Variants in COBLL1 observed in about 807,000 individuals in gnomAD.
The protein encoded by COBLL1 is cordon-bleu WH2 repeat protein like 1, also known as cordon-bleu protein-like 1.
Under a neutral mutation model 94.8 loss-of-function variants are expected in COBLL1, and 50 were observed. That is an observed-to-expected ratio of 0.53 (90% confidence interval 0.42 to 0.67). The LOEUF (loss-of-function observed/expected upper bound fraction) is 0.67, where lower values mean the gene tolerates loss of function less well. Among genes scored for constraint, COBLL1 ranks in the 30% least tolerant of loss-of-function variants. The probability of loss-of-function intolerance (pLI) is 0.00; values close to 1 mark genes in which losing one functional copy is unlikely to be tolerated. For synonymous variants in COBLL1, 448 were observed against 473.8 expected, an observed-to-expected ratio of 0.95 and a Z score of 0.71; for missense variants, 1,362 against 1,348.7, an observed-to-expected ratio of 1.01 and a Z score of -0.15.
intron 2 of COBLL1, among the ~76,000 whole-genome samples, chr2:164,776,979 T>C (rs1053744317): frequency 7.9e-5 from 12 of 152,154 alleles, no homozygotes; most frequent in African/African-American, 2.9e-4. Flanking sequence ...AGTTCCCATA[T>C]ACACTTTACC....
chr2:164,715,596 A>T (rs1454385720), intron 7 of COBLL1, among the ~76,000 whole-genome samples: 4 of 152,136 alleles, frequency 2.6e-5, no homozygotes, highest in Non-Finnish European at 5.9e-5. Context: ...ACAATACATC[A>T]TCTTATCTGC....
chr2:164,703,271 G>C (rs1326660792), intron 9 of COBLL1: 2 of 1,170,560 alleles, frequency 1.7e-6, no homozygotes, highest in African/African-American at 3.1e-5. Context: ...ACAGAGTTAA[G>C]GCAAGCAGAG....
chr2:164,662,788 C>T (rs967089253), intron 2 of COBLL1, among the ~76,000 whole-genome samples: 4 of 152,160 alleles, frequency 2.6e-5, no homozygotes, highest in African/African-American at 7.2e-5. Flanking sequence ...CTCTCTTGCT[C>T]CTGTTCTGGC....
intron 2 of COBLL1, among the ~76,000 whole-genome samples, chr2:164,754,081 G>C (rs1003968750): frequency 6.6e-6 from 1 of 151,970 alleles, no homozygotes; most frequent in Non-Finnish European, 1.5e-5. Context: ...AATACAGATC[G>C]GGTATTTCCA....
At chr2:164,810,321 T>A (rs1684401761) in intron 2 of COBLL1, among the ~76,000 whole-genome samples, 1 of 151,552 alleles carries the variant, frequency 6.6e-6, no homozygotes, top group African/African-American at 2.4e-5. Flanking sequence ...ATATACAGAT[T>A]TTATATTTAT....
intron 7 of COBLL1, among the ~76,000 whole-genome samples, chr2:164,715,183 G>A (rs1341657990): frequency 2.0e-5 from 3 of 152,128 alleles, no homozygotes; most frequent in South Asian, 4.1e-4. Flanking sequence ...CAGTGGCAAA[G>A]TATGTATTAT....
intron 1 of COBLL1, among the ~76,000 whole-genome samples, chr2:164,671,303 GT>G (rs1412010337): frequency 6.6e-6 from 1 of 151,704 alleles, no homozygotes; most frequent in Non-Finnish European, 1.5e-5. Flanking sequence ...TTCCTTTTTT[GT>G]TTTTTTGTCT....
At chr2:164,756,799 A>G (rs1251090352) in intron 2 of COBLL1, among the ~76,000 whole-genome samples, 2 of 152,190 alleles carry the variant, frequency 1.3e-5, no homozygotes, top group East Asian at 3.8e-4. Flanking sequence ...AAATCTACAT[A>G]CTAATCACCA....
Position 164,695,709 on chromosome 2 carries a change from T to G in COBLL1, c.1683A>C (p.Arg561Ser). Residue 561 changes from arginine (R) to serine (S), a missense_variant, in exon 12 of 14, where the codon AGA becomes AGC. Arg to Ser is a moderately radical substitution (Grantham distance 110). Coordinates refer to ENST00000652658, the MANE Select transcript of COBLL1 (RefSeq NM_001365672.2). ...TTTCATGTGCCTCAGAGTTTGATGG[T>G]CTCTCAACTTCCATATCAATGTTGT... The part of the protein sequence containing the change: ...KNNNIDMEVE[R>S]PSNSEAHETD... 1.2e-6 allele frequency: 2 copies of G among 1,613,896 alleles called. No individual in the cohort carries two copies. The highest frequency in any genetic ancestry group is 1.7e-6 in the Non-Finnish European group (2 of 1,179,862).
At chr2:164,826,639 A>G (rs966875681) in intron 2 of COBLL1, among the ~76,000 whole-genome samples, 2 of 152,228 alleles carry the variant, frequency 1.3e-5, no homozygotes, top group African/African-American at 2.4e-5. Flanking sequence ...ATGGAGGTCC[A>G]GGTCCTGTCT....
chr2:164,670,044 A>G (rs145194024), intron 1 of COBLL1, among the ~76,000 whole-genome samples: 4 of 152,350 alleles, frequency 2.6e-5, no homozygotes, highest in African/African-American at 9.6e-5. Context: ...AATACAGATA[A>G]TAAAGAACAT....
intron 2 of COBLL1, among the ~76,000 whole-genome samples, chr2:164,774,082 AATTC>A (rs1688345406): frequency 6.6e-6 from 1 of 152,172 alleles, no homozygotes; most frequent in Admixed American, 6.6e-5. Flanking sequence ...TAATTATCTT[AATTC>A]ATCGTTTGAT....
intron 2 of COBLL1, among the ~76,000 whole-genome samples, chr2:164,793,266 G>C (rs1683280379): frequency 6.6e-6 from 1 of 150,462 alleles, no homozygotes; most frequent in Non-Finnish European, 1.5e-5. Context: ...ATAGTGGTTT[G>C]TAAACCTTTT....
In COBLL1 at chr2:164,767,336, A is replaced by G. The variant is rs534452083; in HGVS notation, c.42-23461T>C. ...ATTATCTTATGGAAAATAGTTTAGGATTAATGATTTAGAAAAATTATCAAA... is the reference window on the plus strand; with the variant it reads ...ATTATCTTATGGAAAATAGTTTAGGGTTAATGATTTAGAAAAATTATCAAA... On this transcript the variant is annotated intron_variant, in intron 2 of 13. Coordinates refer to ENST00000652658, the MANE Select transcript of COBLL1 (RefSeq NM_001365672.2). Among the ~76,000 whole-genome samples the G allele has an allele frequency of 1.4e-4, 21 of 152,328 alleles. No homozygotes were observed. The South Asian group carries it at 4.1e-3, about 30-fold the overall frequency.
At chr2:164,720,660 G>T (rs1463166291) in intron 7 of COBLL1, among the ~76,000 whole-genome samples, 5 of 152,156 alleles carry the variant, frequency 3.3e-5, no homozygotes, top group African/African-American at 1.2e-4. Flanking sequence ...TTGGGACCCT[G>T]ACTTGACCCC....
At chr2:164,824,385 A>G (rs187160413) in intron 2 of COBLL1, among the ~76,000 whole-genome samples, 2,324 of 151,734 alleles carry the variant, frequency 0.015, 27 homozygotes, top group South Asian at 0.027. Context: ...TGTCCCAAAA[A>G]AGAAAAAAAA....
chr2:164,833,599 C>G (rs1027480060), intron 2 of COBLL1, among the ~76,000 whole-genome samples: 1 of 151,852 alleles, frequency 6.6e-6, no homozygotes, highest in Non-Finnish European at 1.5e-5. Context: ...TACAGGCGCC[C>G]GCCACCACGC....
chr2:164,675,482 T>G (rs1461507401), downstream of COBLL1, among the ~76,000 whole-genome samples: 1 of 152,138 alleles, frequency 6.6e-6, no homozygotes, highest in Non-Finnish European at 1.5e-5. Flanking sequence ...AGACAGCTCA[T>G]CTAGACAAGA....
chr2:164,722,237 T>C lies in COBLL1; in HGVS notation c.834A>G (p.Lys278=). Residue 278 remains lysine, a synonymous_variant, in exon 7 of 14, where the codon AAA becomes AAG. Coordinates refer to ENST00000652658, the MANE Select transcript of COBLL1 (RefSeq NM_001365672.2). ...PTFTRSNTIS[K]PYISNTLPSD... is the part of the protein sequence containing the mutation. ...ACGGCAGGGTGTTGGAAATATATGG[T>C]TTGGAAATGGTATTGGACCTTGTAA... 6.2e-7 allele frequency: 1 copy of C among 1,614,010 alleles called. No individual in the cohort carries two copies. The highest frequency in any genetic ancestry group is 8.5e-7 in the Non-Finnish European group (1 of 1,179,966).
Sources: gnomAD v4.1 joint callset for allele counts (sites outside exome capture counted in the v4.1 genomes callset) on GRCh38, gnomAD v4.1.1 for gene constraint, MANE v1.5 for transcripts, NCBI Gene and HGNC (gene_info 2026-07-23, HGNC 2026-07-21) for gene names.